Variants in LRRC18 observed in about 807,000 individuals in gnomAD.
The protein encoded by LRRC18 is leucine rich repeat containing 18, also known as leucine-rich repeat-containing protein 18.
In LRRC18, 12 loss-of-function variants were observed where a neutral mutation model predicts 11.2. That is an observed-to-expected ratio of 1.07 (90% CI 0.69 to 1.74). The LOEUF is 1.74. Ranked by LOEUF, LRRC18 falls within the 40% of genes most tolerant of loss-of-function variation. The pLI, the probability that LRRC18 is intolerant of heterozygous loss-of-function variation, is 0.00. For synonymous variants in LRRC18, 155 were observed against 130.6 expected (o/e 1.19, Z -1.27); for missense variants, 374 against 330.5 (o/e 1.13, Z -1.02).
the LRRC18 span, among the ~76,000 whole-genome samples, chr10:48,933,383 A>C: frequency 1.3e-5 from 2 of 152,342 alleles, no homozygotes; most frequent in Non-Finnish European, 2.9e-5. Flanking sequence ...TGGAGCCAGC[A>C]TCTCTCTGGT....
rs562782769 is a variant in LRRC18 at position 48,913,689 on chromosome 10, A to C, written c.467T>G (p.Leu156Arg). The change falls in exon 1 of 2, where the codon CTG (leucine) becomes CGG (arginine). Residue 156 changes from leucine to arginine, a missense_variant. Coordinates refer to ENST00000374160, the Ensembl canonical transcript of LRRC18. The stretch of plus-strand genomic sequence containing the variant: ...GGAGATGCTCACGGGGATGTTGTTC[A>C]GTAGGTTGTCATGGAGCCCTACCTC... The C allele has an allele frequency of 1.2e-6, 2 of 1,612,994 alleles. 1 individual carries two copies. Among genetic ancestry groups the C allele is most frequent in the South Asian group, 2.2e-5 (2 of 91,044 alleles).
In LRRC18 at chr10:48,913,632, T is replaced by C. The variant is rs764980777; in HGVS notation, c.524A>G (p.Lys175Arg). The C allele has an allele frequency of 1.1e-4, 170 of 1,613,926 alleles. No homozygotes were observed. Among genetic ancestry groups the C allele is most frequent in the Non-Finnish European group, 1.4e-4 (161 of 1,179,968 alleles). ...ACCTGGCTTTGGAAAGGGGTTCCGC[T>C]TTATGTTGAGCTTTTTCAGCTTGGG... Residue 175 changes from lysine (K) to arginine (R), a missense_variant, in exon 1 of 2, where the codon AAG becomes AGG. Coordinates refer to ENST00000374160, the Ensembl canonical transcript of LRRC18.
the LRRC18 span, among the ~76,000 whole-genome samples, chr10:48,919,635 C>A: frequency 1.3e-5 from 2 of 152,136 alleles, no homozygotes; most frequent in Non-Finnish European, 2.9e-5. Flanking sequence ...GTTTTCTTGC[C>A]GTGTCCTCAC....
At chr10:48,915,323 A>G (rs1314207260), upstream of LRRC18, among the ~76,000 whole-genome samples, 1 of 152,124 alleles carries the variant, frequency 6.6e-6, no homozygotes. Flanking sequence ...AGAAGTGAGG[A>G]AGGTCTGCAG....
chr10:48,939,605 T>C, the LRRC18 span, among the ~76,000 whole-genome samples: 2 of 152,248 alleles, frequency 1.3e-5, no homozygotes, highest in Admixed American at 1.3e-4. Flanking sequence ...TGATGGATGA[T>C]GCGGTTTATT....
At chr10:48,938,256 C>T in the LRRC18 span, among the ~76,000 whole-genome samples, 3 of 152,372 alleles carry the variant, frequency 2.0e-5, no homozygotes, top group Admixed American at 2.0e-4. Context: ...TCTGCATTAG[C>T]TCGGGGTCCC....
chr10:48,925,740 G>A, the LRRC18 span, among the ~76,000 whole-genome samples: 1 of 152,102 alleles, frequency 6.6e-6, no homozygotes, highest in African/African-American at 2.4e-5. Context: ...AGAAGCAGGG[G>A]TTGGAATCTT....
At chr10:48,916,988 C>G (rs933503961), upstream of LRRC18, among the ~76,000 whole-genome samples, 2 of 151,640 alleles carry the variant, frequency 1.3e-5, no homozygotes, top group Non-Finnish European at 1.5e-5. Context: ...GATTGTGATA[C>G]TATAATTTTA....
intron 1 of LRRC18, among the ~76,000 whole-genome samples, chr10:48,911,276 C>G (rs1448769319): frequency 6.6e-6 from 1 of 152,130 alleles, no homozygotes; most frequent in Non-Finnish European, 1.5e-5. Flanking sequence ...AAGGACAGTG[C>G]TTAGTGCTGG....
chr10:48,931,810 G>T, the LRRC18 span, among the ~76,000 whole-genome samples: 135,183 of 152,054 alleles, frequency 0.89, 61,534 homozygotes, highest in East Asian at 1. Flanking sequence ...ACTAGACACT[G>T]CCTCCAATAA....
chr10:48,927,293 A>T, the LRRC18 span, among the ~76,000 whole-genome samples: 1 of 152,096 alleles, frequency 6.6e-6, no homozygotes, highest in Admixed American at 6.5e-5. Context: ...CCGTGTCTTC[A>T]TAAAGTGACC....
At chr10:48,928,422 G>C in the LRRC18 span, among the ~76,000 whole-genome samples, 5 of 150,114 alleles carry the variant, frequency 3.3e-5, no homozygotes, top group Non-Finnish European at 5.9e-5. Flanking sequence ...ACAGGAGGCA[G>C]CAGCATGGAT....
At chr10:48,939,773 G>A in the LRRC18 span, among the ~76,000 whole-genome samples, 1 of 152,186 alleles carries the variant, frequency 6.6e-6, no homozygotes, top group African/African-American at 2.4e-5. Context: ...GGAACTGCTG[G>A]TAATGGCGTC....
At chr10:48,924,579 TAA>T in the LRRC18 span, among the ~76,000 whole-genome samples, 1 of 152,250 alleles carries the variant, frequency 6.6e-6, no homozygotes, top group Non-Finnish European at 1.5e-5. Flanking sequence ...AGCTCAAATA[TAA>T]GAGGTTTCTA....
the LRRC18 span, among the ~76,000 whole-genome samples, chr10:48,924,950 A>G: frequency 9.2e-5 from 14 of 152,210 alleles, no homozygotes; most frequent in African/African-American, 3.1e-4. Context: ...TAATAATTTC[A>G]TTCTTTCAAC....
chr10:48,909,969 TA>T, exon 2 of LRRC18: 1 of 503,298 alleles, frequency 2.0e-6, no homozygotes, highest in Non-Finnish European at 3.5e-6. Context: ...CTATAATATA[TA>T]ATCTGTAATT....
At chr10:48,930,446 T>C in the LRRC18 span, among the ~76,000 whole-genome samples, 1 of 152,140 alleles carries the variant, frequency 6.6e-6, no homozygotes, top group Non-Finnish European at 1.5e-5. Flanking sequence ...AAGTGCACTA[T>C]GGGGCTGGAG....
At chr10:48,921,023 A>G in the LRRC18 span, among the ~76,000 whole-genome samples, 1 of 152,220 alleles carries the variant, frequency 6.6e-6, no homozygotes, top group Non-Finnish European at 1.5e-5. Context: ...AAATGGAGAA[A>G]CATACCATGT....
chr10:48,931,162 G>T, the LRRC18 span, among the ~76,000 whole-genome samples: 386 of 152,240 alleles, frequency 2.5e-3, 2 homozygotes, highest in African/African-American at 8.6e-3. Context: ...AGAGGACAGG[G>T]TGGTGGTGGG....
Sources: gnomAD v4.1 joint callset for allele counts (sites outside exome capture counted in the v4.1 genomes callset) on GRCh38, gnomAD v4.1.1 for gene constraint, MANE v1.5 for transcripts, NCBI Gene and HGNC (gene_info 2026-07-23, HGNC 2026-07-21) for gene names.